Variants in SND1 observed in about 807,000 individuals in gnomAD.
The protein encoded by SND1 is staphylococcal nuclease and tudor domain containing 1, also known as staphylococcal nuclease domain-containing protein 1.
In SND1, 38 loss-of-function variants were observed where a neutral mutation model predicts 121.7. That is an observed-to-expected ratio of 0.31 (90% confidence interval 0.24 to 0.41). The LOEUF is 0.41. Ranked by LOEUF, SND1 falls within the 10% of genes least tolerant of loss-of-function variation. The pLI is 1.00. For missense variants in SND1, 868 were observed against 1,184.6 expected (o/e 0.73, Z 3.92); for synonymous variants, 401 against 447.4 (o/e 0.90, Z 1.31).
chr7:127,771,025 A>C (rs776549853), intron 10 of SND1, among the ~76,000 whole-genome samples: 3 of 152,180 alleles, frequency 2.0e-5, no homozygotes, highest in Admixed American at 6.5e-5. Context: ...TAATGCAACT[A>C]TTCAGCATGG....
At chr7:127,836,357 A>T (rs567258843) in intron 11 of SND1, among the ~76,000 whole-genome samples, 1 of 152,328 alleles carries the variant, frequency 6.6e-6, no homozygotes, top group South Asian at 2.1e-4. Context: ...TGGTGATTTT[A>T]GATGGGAGAG....
intron 17 of SND1, among the ~76,000 whole-genome samples, chr7:128,080,219 C>G (rs1793574081): frequency 6.6e-6 from 1 of 152,240 alleles, no homozygotes. Context: ...ACTCTCCCAC[C>G]CACCCTTCCT....
intron 10 of SND1, among the ~76,000 whole-genome samples, chr7:127,763,322 T>C (rs2116480687): frequency 6.6e-6 from 1 of 152,258 alleles, no homozygotes; most frequent in African/African-American, 2.4e-5. Flanking sequence ...ATCAAGCATA[T>C]GTGCACATCA....
intron 16 of SND1, chr7:128,008,029 C>G (rs1041377724): frequency 6.6e-6 from 1 of 152,228 alleles, no homozygotes; most frequent in Non-Finnish European, 1.5e-5. Context: ...CCTTTATCCC[C>G]ACAGTGCCTC....
Position 127,686,542 on chromosome 7 carries a change from G to A in SND1, c.79-71G>A. The A allele has an allele frequency of 4.6e-6, 7 of 1,510,994 alleles. No individual in the cohort carries two copies. In the South Asian group the frequency reaches 8.5e-5, roughly 18 times the overall value. 93.6% of individuals were successfully genotyped at this position (1,510,994 alleles called of 1,614,324 possible). On this transcript the variant is annotated intron_variant, in intron 1 of 23. Coordinates refer to ENST00000354725, the MANE Select transcript of SND1 (RefSeq NM_014390.4). ...TGCTATTTGAAATGTTGGGGATACG[G>A]TGGTACACAACCTGCATTATGGTGA...
chr7:127,748,024 G>A (rs1179116058), intron 10 of SND1, among the ~76,000 whole-genome samples: 1 of 152,144 alleles, frequency 6.6e-6, no homozygotes, highest in Non-Finnish European at 1.5e-5. Context: ...ATCTTGGTTT[G>A]TTTCTGTCTT....
intron 16 of SND1, among the ~76,000 whole-genome samples, chr7:128,035,206 G>C (rs1792725639): frequency 6.6e-6 from 1 of 152,144 alleles, no homozygotes. Context: ...CTAAACATCA[G>C]TTTTTCCATT....
chr7:127,954,171 C>T (rs898572096), intron 15 of SND1, among the ~76,000 whole-genome samples: 3 of 152,194 alleles, frequency 2.0e-5, no homozygotes, highest in Admixed American at 6.5e-5. Flanking sequence ...TCCCCCCTTA[C>T]TCCAGCAAAT....
chr7:127,784,554 A>G (rs1444020088), intron 10 of SND1, among the ~76,000 whole-genome samples: 1 of 152,258 alleles, frequency 6.6e-6, no homozygotes, highest in Non-Finnish European at 1.5e-5. Flanking sequence ...ATTTCAGAAT[A>G]ATGGACAGTC....
chr7:127,658,843 G>A (rs1795257238), intron 1 of SND1, among the ~76,000 whole-genome samples: 1 of 152,192 alleles, frequency 6.6e-6, no homozygotes, highest in Non-Finnish European at 1.5e-5. Context: ...CTGTTTGTAG[G>A]TTTAGCAGAG....
chr7:128,010,192 C>T (rs1803084558), intron 16 of SND1, among the ~76,000 whole-genome samples: 1 of 152,224 alleles, frequency 6.6e-6, no homozygotes, highest in South Asian at 2.1e-4. Context: ...ATAGCTCTTT[C>T]AACACTTGTT....
rs73465832 is a variant in SND1 at position 127,864,469 on chromosome 7, T to A, written c.1343+20045T>A. Among the ~76,000 whole-genome samples, 651 of 152,096 alleles carry A rather than the reference T, an allele frequency of 4.3e-3. 2 individuals carry two copies. Among genetic ancestry groups the A allele is most frequent in the African/African-American group, 0.014 (581 of 41,498 alleles). On this transcript the variant is annotated intron_variant, in intron 12 of 23. Coordinates refer to ENST00000354725, the MANE Select transcript of SND1 (RefSeq NM_014390.4). ...TGAATCTGTGAGCATGTCCTTGTTT[T>A]TCTGGGTGTCTGATTCTCATATTTT...
rs530700444 is a variant in SND1 at position 127,823,136 on chromosome 7, G to A, written c.1242+15563G>A. On this transcript the variant is annotated intron_variant, in intron 11 of 23. Coordinates refer to ENST00000354725, the MANE Select transcript of SND1 (RefSeq NM_014390.4). ...CTGAGTGAGAGACAGAAGGGGATGA[G>A]CAAAGTGAGCAGTGTGGTTGGGGGA... Among the ~76,000 whole-genome samples, 297 of 152,328 alleles carry A rather than the reference G, an allele frequency of 1.9e-3. 2 individuals carry two copies. Among genetic ancestry groups the A allele is most frequent in the African/African-American group, 6.7e-3 (280 of 41,578 alleles).
chr7:128,047,206 A>G (rs1273785927), intron 16 of SND1, among the ~76,000 whole-genome samples: 5 of 152,212 alleles, frequency 3.3e-5, no homozygotes, highest in Admixed American at 3.3e-4. Flanking sequence ...CATACGAGAA[A>G]AAAGGATGGG....
At chr7:128,047,735 C>T (rs1242329429) in intron 16 of SND1, among the ~76,000 whole-genome samples, 1 of 152,188 alleles carries the variant, frequency 6.6e-6, no homozygotes, top group Non-Finnish European at 1.5e-5. Flanking sequence ...GTCATTGACC[C>T]AGCTAAAATA....
intron 15 of SND1, among the ~76,000 whole-genome samples, chr7:127,970,466 T>C (rs1801958881): frequency 1.3e-5 from 2 of 152,230 alleles, no homozygotes; most frequent in Admixed American, 6.5e-5. Flanking sequence ...TGTGAATGCT[T>C]AGGTGATACA....
chr7:127,890,585 G>A (rs572484399), intron 13 of SND1, among the ~76,000 whole-genome samples: 1 of 152,238 alleles, frequency 6.6e-6, no homozygotes, highest in South Asian at 2.1e-4. Context: ...GCTTCACACT[G>A]CCACCAGTGA....
intron 15 of SND1, among the ~76,000 whole-genome samples, chr7:127,989,062 C>G (rs1196572608): frequency 3.3e-5 from 5 of 152,222 alleles, no homozygotes; most frequent in Admixed American, 3.3e-4. Flanking sequence ...CCATTTTTCT[C>G]TAGCCTCATC....
chr7:127,802,702 A>G (rs1034334454), intron 10 of SND1, among the ~76,000 whole-genome samples: 3 of 152,206 alleles, frequency 2.0e-5, no homozygotes, highest in Admixed American at 6.5e-5. Context: ...TGTATACCCA[A>G]CTGCCCATTC....
Sources: gnomAD v4.1 joint callset for allele counts (sites outside exome capture counted in the v4.1 genomes callset) on GRCh38, gnomAD v4.1.1 for gene constraint, MANE v1.5 for transcripts, NCBI Gene and HGNC (gene_info 2026-07-23, HGNC 2026-07-21) for gene names.